Variants in C3orf49 observed in about 807,000 individuals in gnomAD.
The protein encoded by C3orf49 is chromosome 3 open reading frame 49.
In C3orf49, 27 loss-of-function variants were observed where a neutral mutation model predicts 13.3. The observed-to-expected ratio is 2.02, with a 90% CI of 1.49 to 2.79. The LOEUF is 2.79. Among genes scored for constraint, C3orf49 ranks in the 30% most tolerant of loss-of-function variants. The probability of loss-of-function intolerance (pLI) is 0.00; values close to 1 mark genes in which losing one functional copy is unlikely to be tolerated. For missense variants in C3orf49, 242 were observed against 134.2 expected (o/e 1.80, Z -3.97); for synonymous variants, 87 against 47.6 (o/e 1.83, Z -3.40).
At chr3:63,843,157 C>T (rs1032748161) in intron 5 of C3orf49, among the ~76,000 whole-genome samples, 6 of 151,148 alleles carry the variant, frequency 4.0e-5, no homozygotes, top group African/African-American at 1.5e-4. Flanking sequence ...CTCACTCTTT[C>T]ATCCAGGCTA....
chr3:63,838,665 A>G lies in C3orf49; in HGVS notation c.850-6358A>G, dbSNP rs554487459. Among the ~76,000 whole-genome samples the G allele has an allele frequency of 2.0e-5, 3 of 152,312 alleles. No individual in the cohort carries two copies. The East Asian group carries it at 5.8e-4, about 29-fold the overall frequency. On this transcript the variant is annotated intron_variant, in intron 5 of 6. Coordinates refer to ENST00000295896, the MANE Select transcript of C3orf49 (RefSeq NM_001355236.2). ...TGTCCCTTAAGTTTTCTTTTTATCA[A>G]ATGTAGTATTCTTGAATTTAACTAC... is the stretch of plus-strand genomic sequence containing the variant.
intron 1 of C3orf49, among the ~76,000 whole-genome samples, 191 bp downstream of exon 1, chr3:63,819,787 C>G (rs1453591330): frequency 1.3e-5 from 2 of 152,082 alleles, no homozygotes; most frequent in African/African-American, 4.8e-5. Context: ...TTAATTGTAA[C>G]AGGGAAAACC....
the C3orf49 span, among the ~76,000 whole-genome samples, chr3:63,807,309 T>C: frequency 6.6e-6 from 1 of 152,172 alleles, no homozygotes; most frequent in Non-Finnish European, 1.5e-5. Flanking sequence ...TGTAGGACAG[T>C]CTTTCACTCA....
the C3orf49 span, among the ~76,000 whole-genome samples, chr3:63,811,350 AGATCAAGACCATCCTGGC>A: frequency 6.6e-6 from 1 of 151,640 alleles, no homozygotes; most frequent in Non-Finnish European, 1.5e-5. Context: ...CGAGGTCAGG[AGATCAAGACCATCCTGGC>A]TAACACAGTG....
At chr3:63,845,230 T>C in intron 6 of C3orf49, 148 bp downstream of exon 6, 2 of 484,610 alleles carry the variant, frequency 4.1e-6, no homozygotes, top group East Asian at 5.9e-5. Context: ...AAGATTAGTT[T>C]GTGCTATGAG....
the C3orf49 span, among the ~76,000 whole-genome samples, chr3:63,809,733 C>A: frequency 1.3e-5 from 2 of 152,202 alleles, no homozygotes; most frequent in Non-Finnish European, 2.9e-5. Context: ...AGAGACTTTG[C>A]TCTGATCATT....
At chr3:63,794,166 C>T in the C3orf49 span, among the ~76,000 whole-genome samples, 1 of 148,484 alleles carries the variant, frequency 6.7e-6, no homozygotes, top group East Asian at 2.0e-4. Context: ...AATACCTACA[C>T]ACACATACAC....
At chr3:63,816,812 G>A (rs1168132798), upstream of C3orf49, among the ~76,000 whole-genome samples, 20 of 111,944 alleles carry the variant, frequency 1.8e-4, no homozygotes, top group East Asian at 7.9e-4. Context: ...TTGCTCTGTC[G>A]CCCAGGCTGG....
chr3:63,844,338 G>A (rs1701839826), intron 5 of C3orf49, among the ~76,000 whole-genome samples: 2 of 152,216 alleles, frequency 1.3e-5, no homozygotes, highest in Non-Finnish European at 1.5e-5. Context: ...CTTGAAAAAT[G>A]TAAAAAGAGT....
the C3orf49 span, among the ~76,000 whole-genome samples, chr3:63,782,012 T>G: frequency 1.3e-5 from 2 of 152,336 alleles, no homozygotes; most frequent in Non-Finnish European, 1.5e-5. Context: ...AGAGCCTGTA[T>G]GCTTAATCAC....
At chr3:63,785,065 C>CTTTTTTTTTTTT in the C3orf49 span, among the ~76,000 whole-genome samples, 64 of 64,966 alleles carry the variant, frequency 9.9e-4, 2 homozygotes, top group African/African-American at 3.0e-3. Context: ...TCTTCTTCTT[C>CTTTTTTTTTTTT]TTTTTTTTTT....
chr3:63,801,482 C>T, the C3orf49 span, among the ~76,000 whole-genome samples: 1 of 152,050 alleles, frequency 6.6e-6, no homozygotes, highest in African/African-American at 2.4e-5. Flanking sequence ...ATTAAATAAT[C>T]ACACAAATAA....
chr3:63,782,019 T>A, the C3orf49 span, among the ~76,000 whole-genome samples: 4 of 152,208 alleles, frequency 2.6e-5, no homozygotes, highest in African/African-American at 9.6e-5. Context: ...GTATGCTTAA[T>A]CACTGTGCTC....
chr3:63,827,960 T>C (rs1701485755), intron 3 of C3orf49, among the ~76,000 whole-genome samples: 1 of 152,094 alleles, frequency 6.6e-6, no homozygotes, highest in Non-Finnish European at 1.5e-5. Context: ...AGTTTGGATT[T>C]TTATAACTGA....
chr3:63,781,246 A>C, the C3orf49 span, among the ~76,000 whole-genome samples: 1 of 151,112 alleles, frequency 6.6e-6, no homozygotes, highest in Non-Finnish European at 1.5e-5. Context: ...TTAAATAGGG[A>C]ATCCTTTCCC....
upstream of C3orf49, among the ~76,000 whole-genome samples, chr3:63,818,450 G>T (rs904294797): frequency 6.6e-6 from 1 of 152,164 alleles, no homozygotes; most frequent in African/African-American, 2.4e-5. Context: ...CATCATCAGC[G>T]TCACCTGCGG....
the C3orf49 span, among the ~76,000 whole-genome samples, chr3:63,806,466 T>A: frequency 2.0e-4 from 31 of 152,298 alleles, no homozygotes; most frequent in East Asian, 6.0e-3. Context: ...CAACAAAACA[T>A]AAAGAATATG....
At chr3:63,792,808 C>G in the C3orf49 span, among the ~76,000 whole-genome samples, 1 of 152,148 alleles carries the variant, frequency 6.6e-6, no homozygotes, top group African/African-American at 2.4e-5. Flanking sequence ...AGTTTTTCTA[C>G]TAGGTGCAAA....
upstream of C3orf49, among the ~76,000 whole-genome samples, chr3:63,818,319 A>G (rs983432960): frequency 4.6e-5 from 7 of 152,242 alleles, no homozygotes; most frequent in Non-Finnish European, 1.5e-5. Flanking sequence ...GAACTCATGC[A>G]TAATTCCCAA....
Sources: allele counts gnomAD v4.1 joint callset (sites outside exome capture counted in the v4.1 genomes callset), GRCh38; gene constraint gnomAD v4.1.1; transcripts MANE v1.5; gene names NCBI Gene and HGNC (gene_info 2026-07-23, HGNC 2026-07-21).